Variants in DCDC1 observed in about 807,000 individuals in gnomAD.
DCDC1 encodes doublecortin domain-containing protein 1.
A neutral mutation model predicts 178.3 loss-of-function variants in DCDC1; 200 were observed. The ratio of observed to expected loss-of-function variants is 1.12; its 90% CI spans 1.00 to 1.26. DCDC1 has a LOEUF of 1.26. DCDC1 is among the 50% of genes most tolerant of loss of function. The probability of loss-of-function intolerance (pLI) is 0.00; values close to 1 mark genes in which losing one functional copy is unlikely to be tolerated. For synonymous variants in DCDC1, 690 were observed against 604.8 expected (o/e 1.14, Z -2.07); for missense variants, 1,983 against 1,749.2 (o/e 1.13, Z -2.38).
rs143630371 is a variant in DCDC1, at chr11:31,094,669, G to A, written c.1984-485C>T. Reference sequence around the variant, plus strand: ...AAAAGGTATTCCAAGTAAAGGCAAGGAAGCTTAATCAATGTGTCTTAGGAT... The same window carrying A: ...AAAAGGTATTCCAAGTAAAGGCAAGAAAGCTTAATCAATGTGTCTTAGGAT... On this transcript the variant is annotated intron_variant, in intron 15 of 38. Coordinates refer to ENST00000684477, the MANE Select transcript of DCDC1 (RefSeq NM_001387274.1). 3.9e-5 allele frequency among the ~76,000 whole-genome samples: 6 copies of A among 152,252 alleles called. No homozygotes were observed. The East Asian group carries it at 1.2e-3, about 29-fold the overall frequency.
At chr11:31,164,862 G>C (rs1966631914) in intron 9 of DCDC1, among the ~76,000 whole-genome samples, 1 of 152,102 alleles carries the variant, frequency 6.6e-6, no homozygotes, top group African/African-American at 2.4e-5. Flanking sequence ...CTCCCTCACT[G>C]ACTTACCTAG....
chr11:30,923,878 A>G (rs1946426045), intron 23 of DCDC1, among the ~76,000 whole-genome samples: 1 of 152,068 alleles, frequency 6.6e-6, no homozygotes, highest in Admixed American at 6.6e-5. Flanking sequence ...CGGCCTCCCA[A>G]AGTGCTGGGA....
chr11:31,063,956 C>T (rs1294608105), intron 20 of DCDC1, among the ~76,000 whole-genome samples: 1 of 152,090 alleles, frequency 6.6e-6, no homozygotes, highest in African/African-American at 2.4e-5. Context: ...GTGTCCATTT[C>T]TTAACCAAGG....
At chr11:31,354,066 T>G (rs747017503) in intron 1 of DCDC1, among the ~76,000 whole-genome samples, 1 of 152,110 alleles carries the variant, frequency 6.6e-6, no homozygotes, top group Non-Finnish European at 1.5e-5. Flanking sequence ...GGCGGGAGGA[T>G]CACGAGGTCA....
chr11:30,915,112 G>T (rs992730006), intron 27 of DCDC1, among the ~76,000 whole-genome samples: 1 of 152,188 alleles, frequency 6.6e-6, no homozygotes, highest in African/African-American at 2.4e-5. Context: ...GAAGGTGTGT[G>T]TTGGGGGAAG....
intron 7 of DCDC1, among the ~76,000 whole-genome samples, chr11:31,272,870 C>G (rs558690764): frequency 7.5e-4 from 114 of 152,276 alleles, no homozygotes; most frequent in African/African-American, 2.5e-3. Flanking sequence ...GGATGGTGGT[C>G]CTCTTCTTAC....
chr11:31,344,008 T>C (rs1950686900), intron 1 of DCDC1, among the ~76,000 whole-genome samples: 1 of 152,202 alleles, frequency 6.6e-6, no homozygotes, highest in Non-Finnish European at 1.5e-5. Flanking sequence ...GTGAAATCAT[T>C]ACCATTATTA....
chr11:31,072,986 A>T (rs1050726533), intron 18 of DCDC1, among the ~76,000 whole-genome samples: 1 of 152,156 alleles, frequency 6.6e-6, no homozygotes, highest in South Asian at 2.1e-4. Flanking sequence ...CTGCCTTTTT[A>T]AAAAATAAAT....
At chr11:31,124,202 C>T (rs984219337) in intron 11 of DCDC1, among the ~76,000 whole-genome samples, 14 of 151,968 alleles carry the variant, frequency 9.2e-5, no homozygotes, top group Non-Finnish European at 1.9e-4. Context: ...CCTTCAATAG[C>T]CAGTTTATTG....
At chr11:31,254,485 G>A (rs1183254113) in intron 8 of DCDC1, among the ~76,000 whole-genome samples, 1 of 152,180 alleles carries the variant, frequency 6.6e-6, no homozygotes, top group East Asian at 1.9e-4. Context: ...ATAGAATTTA[G>A]CTGTCTAAAT....
At chr11:31,359,625 A>G (rs1951603426) in intron 1 of DCDC1, among the ~76,000 whole-genome samples, 1 of 152,180 alleles carries the variant, frequency 6.6e-6, no homozygotes, top group Admixed American at 6.5e-5. Context: ...GCTTCAGGAA[A>G]CATGGAAGTA....
intron 3 of DCDC1, among the ~76,000 whole-genome samples, chr11:31,311,476 T>C (rs1370515066): frequency 2.0e-5 from 3 of 152,236 alleles, no homozygotes; most frequent in Non-Finnish European, 4.4e-5. Flanking sequence ...TAAATTTCTG[T>C]CAGAAGTGTT....
chr11:31,204,391 T>C (rs1482633068), intron 9 of DCDC1, among the ~76,000 whole-genome samples: 2 of 149,520 alleles, frequency 1.3e-5, no homozygotes, highest in African/African-American at 4.9e-5. Context: ...GTATATAAAG[T>C]GACAAAATAT....
chr11:31,048,411 C>T (rs753992562), intron 20 of DCDC1, among the ~76,000 whole-genome samples: 2 of 152,146 alleles, frequency 1.3e-5, no homozygotes, highest in African/African-American at 4.8e-5. Context: ...GAAAATGCAT[C>T]CTACATTGTT....
chr11:31,317,928 T>G (rs1390192543), intron 3 of DCDC1, among the ~76,000 whole-genome samples: 2 of 29,286 alleles, frequency 6.8e-5, no homozygotes, highest in Non-Finnish European at 1.1e-4. Context: ...GTGGTTTTTG[T>G]CTTTGGCTCT....
At chr11:30,971,005 C>T (rs903689598) in intron 20 of DCDC1, among the ~76,000 whole-genome samples, 5 of 152,182 alleles carry the variant, frequency 3.3e-5, no homozygotes, top group African/African-American at 1.2e-4. Flanking sequence ...ACTATCATCA[C>T]AGCTGGTGCG....
intron 20 of DCDC1, among the ~76,000 whole-genome samples, chr11:31,008,231 A>G (rs898507359): frequency 1.3e-5 from 2 of 152,170 alleles, no homozygotes; most frequent in African/African-American, 4.8e-5. Flanking sequence ...ATAAAACCTT[A>G]GGAAGGAATA....
chr11:31,094,433 T>A (rs541133255), intron 15 of DCDC1, among the ~76,000 whole-genome samples: 1 of 152,118 alleles, frequency 6.6e-6, no homozygotes, highest in Non-Finnish European at 1.5e-5. Flanking sequence ...CAAAGAAACA[T>A]ACAACAGAGT....
At chr11:31,182,212 G>A (rs953609133) in intron 9 of DCDC1, among the ~76,000 whole-genome samples, 1 of 152,122 alleles carries the variant, frequency 6.6e-6, no homozygotes, top group African/African-American at 2.4e-5. Context: ...AGCAAGACAG[G>A]CCAACACTCA....
Sources: allele counts gnomAD v4.1 joint callset (sites outside exome capture counted in the v4.1 genomes callset), GRCh38; gene constraint gnomAD v4.1.1; transcripts MANE v1.5; gene names NCBI Gene and HGNC (gene_info 2026-07-23, HGNC 2026-07-21).